PIEZO2: variants seen among roughly 807,000 people sequenced by gnomAD.
PIEZO2 encodes piezo-type mechanosensitive ion channel component 2.
Under a neutral mutation model 337.3 loss-of-function variants are expected in PIEZO2, and 172 were observed. The ratio of observed to expected loss-of-function variants is 0.51; its 90% CI spans 0.45 to 0.58. The LOEUF is 0.58. Ranked by LOEUF, PIEZO2 falls within the 20% of genes least tolerant of loss-of-function variation. PIEZO2 has a pLI of 0.00. For missense variants in PIEZO2, 3,028 were observed against 3,391.3 expected, an observed-to-expected ratio of 0.89 and a Z score of 2.66; for synonymous variants, 1,251 against 1,228.5, an observed-to-expected ratio of 1.02 and a Z score of -0.38.
rs572155073 is a variant in PIEZO2, at chr18:11,031,201, G to A, written c.160+34926C>T. ...TTTTTAGTGGAGATGGGATTTCACC[G>A]TGTTAGCCAGGATGGTCTCAATCTC... On this transcript the variant is annotated intron_variant, in intron 2 of 55. Transcript: ENST00000674853. The surrounding 1 kb of genome is among the most constrained non-coding windows in gnomAD (Gnocchi z 4.7). 4.0e-5 allele frequency among the ~76,000 whole-genome samples: 6 copies of A among 149,802 alleles called. No homozygotes were observed. In the South Asian group the frequency reaches 1.1e-3, roughly 26 times the overall value.
chr18:10,879,176 A>G (rs190911224), intron 4 of PIEZO2, among the ~76,000 whole-genome samples: 1 of 152,348 alleles, frequency 6.6e-6, no homozygotes, highest in Admixed American at 6.5e-5. Flanking sequence ...ATTTTATTTC[A>G]AGCCAATTCT....
Position 10,726,627 on chromosome 18 carries a change from GGA to G in PIEZO2, c.5029+4778_5029+4779del. The G allele has an allele frequency of 7.5e-7, 1 of 1,340,454 alleles. No individual in the cohort carries two copies. The highest frequency in any genetic ancestry group is 1.0e-6 in the Non-Finnish European group (1 of 997,390). The allele number at this position is 1,340,454 out of a possible 1,614,324, so 83.0% of individuals were successfully genotyped here. ...ACGTGCGGGACGCCGACGTGCGCTG[GGA>G]GTACTGCGCGCGCGCCAAGCGCGGC... On this transcript the variant is annotated intron_variant, in intron 36 of 55. Transcript: ENST00000674853. This position sits in a 1 kb window ranked among gnomAD's most constrained non-coding sequence, Gnocchi z 5.9.
rs1227648800 is a variant in PIEZO2 at position 10,724,204 on chromosome 18, T to C, written c.5030-5945A>G. ...CCATCTAGGTGGGTGTTTAAAACTC[T>C]TGCTTTCCGCTGGACATGGTGGCTC... On this transcript the variant is annotated intron_variant, in intron 36 of 55. Coordinates refer to ENST00000674853, the MANE Select transcript of PIEZO2 (RefSeq NM_001378183.1). This position sits in a 1 kb window ranked among gnomAD's most constrained non-coding sequence, Gnocchi z 5.8. Among the ~76,000 whole-genome samples the C allele has an allele frequency of 6.6e-6, 1 of 152,146 alleles. No homozygotes were observed. The highest frequency in any genetic ancestry group is 1.9e-4 in the East Asian group (1 of 5,174).
At chr18:10,947,726 T>C (rs1302009519) in intron 3 of PIEZO2, among the ~76,000 whole-genome samples, 1 of 152,172 alleles carries the variant, frequency 6.6e-6, no homozygotes, top group Non-Finnish European at 1.5e-5. Flanking sequence ...ATTAAGTAAA[T>C]CTCTTTGAAA....
intron 2 of PIEZO2, among the ~76,000 whole-genome samples, chr18:11,022,613 C>A (rs2036352307): frequency 6.6e-6 from 1 of 152,172 alleles, no homozygotes; most frequent in Admixed American, 6.5e-5. Flanking sequence ...GGGCTCTATG[C>A]TTATGGCTTC....
rs1468358563 is a variant in PIEZO2, at chr18:11,143,647, T to A, written c.64+4878A>T. Among the ~76,000 whole-genome samples the A allele has an allele frequency of 2.0e-5, 3 of 146,542 alleles. No individual in the cohort carries two copies. Among genetic ancestry groups the A allele is most frequent in the African/African-American group, 5.2e-5 (2 of 38,132 alleles). On this transcript the variant is annotated intron_variant, in intron 1 of 55. Coordinates refer to ENST00000674853, the MANE Select transcript of PIEZO2 (RefSeq NM_001378183.1). The surrounding 1 kb of genome is among the most constrained non-coding windows in gnomAD (Gnocchi z 4.9). ...CACACACACACACACACACTCTCTC[T>A]CTCTCTCTCTCTCTCTCTCTCTCTC...
chr18:11,136,597 T>TAATATTTAGTTTGAAA (rs1287416491), intron 1 of PIEZO2, among the ~76,000 whole-genome samples: 2 of 152,248 alleles, frequency 1.3e-5, no homozygotes, highest in Non-Finnish European at 2.9e-5. Flanking sequence ...GAGCAAGCTC[T>TAATATTTAGTTTGAAA]AATATTTAGT....
rs149238232 is a variant in PIEZO2 at position 10,808,619 on chromosome 18, G to A, written c.918-1345C>T. ...TTTTTATCAGAAATAAATAAGTTATGTCATAACTTGTTCTTATTATAAAAT... is the reference window on the plus strand; with the variant it reads ...TTTTTATCAGAAATAAATAAGTTATATCATAACTTGTTCTTATTATAAAAT... On this transcript the variant is annotated intron_variant, in intron 7 of 55. Transcript: ENST00000674853. Among the ~76,000 whole-genome samples, 1,378 of 152,226 alleles carry A rather than the reference G, an allele frequency of 9.1e-3. 25 individuals are homozygous for A. The highest frequency in any genetic ancestry group is 0.031 in the African/African-American group (1,303 of 41,526).
chr18:10,753,405 G>A (rs934217920), intron 27 of PIEZO2, among the ~76,000 whole-genome samples: 9 of 152,192 alleles, frequency 5.9e-5, no homozygotes, highest in African/African-American at 2.2e-4. Flanking sequence ...GTTTCTGGAG[G>A]TCCTCAGGAT....
chr18:10,893,380 C>A (rs1010414210), intron 4 of PIEZO2, among the ~76,000 whole-genome samples: 1 of 152,186 alleles, frequency 6.6e-6, no homozygotes, highest in Non-Finnish European at 1.5e-5. Context: ...GCAGGTCACA[C>A]CCACCTCAAC....
At position 11,123,992 on chromosome 18, in the gene PIEZO2, C is replaced by T. The variant is rs530137674; in HGVS notation, c.64+24533G>A. Reference sequence around the variant, plus strand: ...TAAATAGCTTGATTTAGCCCTTCAACGATGTATACTTACACTAAGAACATC... The same window carrying T: ...TAAATAGCTTGATTTAGCCCTTCAATGATGTATACTTACACTAAGAACATC... On this transcript the variant is annotated intron_variant, in intron 1 of 55. Coordinates refer to ENST00000674853, the MANE Select transcript of PIEZO2 (RefSeq NM_001378183.1). Among the ~76,000 whole-genome samples the T allele has an allele frequency of 9.2e-5, 14 of 152,254 alleles. No homozygotes were observed. The East Asian group carries it at 2.5e-3, about 27-fold the overall frequency.
In PIEZO2 at chr18:11,033,742, G is replaced by T. The variant is rs1236490211; in HGVS notation, c.160+32385C>A. Among the ~76,000 whole-genome samples, 3 of 151,972 alleles carry T rather than the reference G, an allele frequency of 2.0e-5. No individual in the cohort carries two copies. The stretch of plus-strand genomic sequence containing the variant: ...TATAAATATTGCTCTCAAAACAGTC[G>T]CTCTCGGAGGAAGTCAAAATTTGAT... On this transcript the variant is annotated intron_variant, in intron 2 of 55. Coordinates refer to ENST00000674853, the MANE Select transcript of PIEZO2 (RefSeq NM_001378183.1). This position sits in a 1 kb window ranked among gnomAD's most constrained non-coding sequence, Gnocchi z 4.2.
intron 1 of PIEZO2, among the ~76,000 whole-genome samples, chr18:11,114,302 C>T (rs1038971006): frequency 1.3e-5 from 2 of 152,192 alleles, no homozygotes; most frequent in African/African-American, 4.8e-5. Flanking sequence ...GTTTGTCTTA[C>T]AATAGAGCTC....
chr18:10,857,879 A>G (rs1044852916), intron 5 of PIEZO2, among the ~76,000 whole-genome samples: 1 of 152,220 alleles, frequency 6.6e-6, no homozygotes, highest in African/African-American at 2.4e-5. Context: ...ATTATTTTAA[A>G]CTGGGTATGC....
At chr18:10,811,859 A>T (rs1293521495) in intron 7 of PIEZO2, among the ~76,000 whole-genome samples, 1 of 152,172 alleles carries the variant, frequency 6.6e-6, no homozygotes. Context: ...TTTGAGACGG[A>T]GTCTCGCTCT....
rs1354477071 is a variant in PIEZO2 at position 11,047,034 on chromosome 18, G to C, written c.160+19093C>G. 6.6e-6 allele frequency among the ~76,000 whole-genome samples: 1 copy of C among 152,222 alleles called. No homozygotes were observed. The highest frequency in any genetic ancestry group is 2.4e-5 in the African/African-American group (1 of 41,446). On this transcript the variant is annotated intron_variant, in intron 2 of 55. Coordinates refer to ENST00000674853, the MANE Select transcript of PIEZO2 (RefSeq NM_001378183.1). This position sits in a 1 kb window ranked among gnomAD's most constrained non-coding sequence, Gnocchi z 7.2. ...CTAGTTTATGCAATTCAGAACTACA[G>C]TATTAGGTTTTGGTAGCAAAACAAG...
intron 15 of PIEZO2, 44 bp downstream of exon 15, chr18:10,789,035 C>T (rs2039323148): frequency 6.6e-7 from 1 of 1,504,982 alleles, no homozygotes; most frequent in Non-Finnish European, 8.9e-7. Context: ...CATGTATACT[C>T]CTGGGAGAGA....
intron 45 of PIEZO2, 141 bp from the exon 46 acceptor site, chr18:10,696,680 T>G (rs988816654): frequency 1.1e-5 from 11 of 960,300 alleles, no homozygotes; most frequent in East Asian, 5.1e-5. Context: ...TGCCTCAGGA[T>G]AGTCCCGCTG....
chr18:11,018,382 C>CGTGTGTGTGT (rs376013388), intron 2 of PIEZO2, among the ~76,000 whole-genome samples: 1,699 of 114,164 alleles, frequency 0.015, 54 homozygotes, highest in Middle Eastern at 0.029. Context: ...CCCAACATGT[C>CGTGTGTGTGT]GTGTGTGTGT....
Sources: gnomAD v4.1 joint callset for allele counts (sites outside exome capture counted in the v4.1 genomes callset) on GRCh38, gnomAD v4.1.1 for gene constraint, Gnocchi (gnomAD v3.1) non-coding constraint, MANE v1.5 for transcripts, NCBI Gene and HGNC (gene_info 2026-07-23, HGNC 2026-07-21) for gene names.